Variants in FLRT2 observed in about 807,000 individuals in gnomAD.
FLRT2 encodes fibronectin leucine rich transmembrane protein 2.
In FLRT2, 15 loss-of-function variants were observed where a neutral mutation model predicts 40.0. The ratio of observed to expected loss-of-function variants is 0.38; its 90% CI spans 0.25 to 0.58. The LOEUF is 0.58. FLRT2 is among the 20% of genes least tolerant of loss of function. The pLI, the probability that FLRT2 is intolerant of heterozygous loss-of-function variation, is 0.71. For synonymous variants in FLRT2, 380 were observed against 336.8 expected, an observed-to-expected ratio of 1.13 and a Z score of -1.41; for missense variants, 726 against 840.0, an observed-to-expected ratio of 0.86 and a Z score of 1.68.
chr14:85,570,582 T>C (rs1818777862), intron 1 of FLRT2, among the ~76,000 whole-genome samples: 1 of 149,442 alleles, frequency 6.7e-6, no homozygotes, highest in South Asian at 2.1e-4. Context: ...TATTTATTTA[T>C]TTATTTATTT....
chr14:85,602,897 G>T (rs1308740080), intron 1 of FLRT2, among the ~76,000 whole-genome samples: 2 of 152,062 alleles, frequency 1.3e-5, no homozygotes, highest in Non-Finnish European at 2.9e-5. Context: ...AGGGTTTCGG[G>T]TTTTTTTGCT....
chr14:85,546,938 T>C (rs1313743696), intron 1 of FLRT2, among the ~76,000 whole-genome samples: 2 of 152,214 alleles, frequency 1.3e-5, no homozygotes, highest in African/African-American at 2.4e-5. Flanking sequence ...TCTTCTTTGA[T>C]TACTGTCTTT....
rs1348106684 is a variant in FLRT2, at chr14:85,635,278, A to G, written c.*11781A>G. On this transcript the variant is annotated 3_prime_UTR_variant, in exon 2 of 2. Coordinates refer to ENST00000330753, the MANE Select transcript of FLRT2 (RefSeq NM_013231.6). ...ATACTTTTAAGGATTTGATGAGATA[A>G]TTTATATCATCTTCACTTCAGTGGT... The G allele has an allele frequency of 1.3e-5, 2 of 152,140 alleles. No homozygotes were observed. The highest frequency in any genetic ancestry group is 2.9e-5 in the Non-Finnish European group (2 of 68,006). The allele number at this position is 152,140 out of a possible 1,614,324, so 9.4% of individuals were successfully genotyped here.
intron 1 of FLRT2, among the ~76,000 whole-genome samples, chr14:85,548,619 G>A (rs1168362635): frequency 2.0e-5 from 3 of 152,190 alleles, no homozygotes; most frequent in Non-Finnish European, 2.9e-5. Flanking sequence ...TGGAATCTTC[G>A]AAGACATCTG....
chr14:85,611,899 A>AGCGCGCGC (rs140527571), intron 1 of FLRT2, among the ~76,000 whole-genome samples: 2 of 126,710 alleles, frequency 1.6e-5, no homozygotes, highest in African/African-American at 5.5e-5. Flanking sequence ...AGAGAGAGAG[A>AGCGCGCGC]GCGCGCGTGC....
rs1893610613 is a variant in FLRT2 at position 85,624,973 on chromosome 14, T to A, written c.*1476T>A. The A allele has an allele frequency of 1.2e-5, 2 of 167,058 alleles. 1 individual carries two copies. Among genetic ancestry groups the A allele is most frequent in the East Asian group, 3.9e-4 (2 of 5,172 alleles). 10.3% of individuals were successfully genotyped at this position (167,058 alleles called of 1,614,324 possible). A position where few individuals can be genotyped will look rare whatever the true frequency, so the allele number is the denominator to read the frequency against. On this transcript the variant is annotated 3_prime_UTR_variant, in exon 2 of 2. Coordinates refer to ENST00000330753, the MANE Select transcript of FLRT2 (RefSeq NM_013231.6). The stretch of plus-strand genomic sequence containing the variant: ...TTGGCAATTGTGGAGGGCTAATCAA[T>A]CTTATGTTAGCAGGACAACCCATGA...
intron 1 of FLRT2, among the ~76,000 whole-genome samples, chr14:85,573,310 ATCTC>A (rs143314910): frequency 6.0e-5 from 9 of 149,146 alleles, no homozygotes; most frequent in African/African-American, 1.2e-4. Flanking sequence ...ACACTCACAC[ATCTC>A]TCTCTCTCTC....
rs143053983 is a variant in FLRT2 at position 85,531,070 on chromosome 14, G to T, written c.-377+536G>T. The T allele has an allele frequency of 3.9e-3, 596 of 152,450 alleles. 8 individuals are homozygous for T. Among genetic ancestry groups the T allele is most frequent in the Non-Finnish European group, 5.9e-3 (403 of 68,134 alleles). The allele number at this position is 152,450 out of a possible 1,614,324, so 9.4% of individuals were successfully genotyped here. A position where few individuals can be genotyped will look rare whatever the true frequency, so the allele number is the denominator to read the frequency against. On this transcript the variant is annotated intron_variant, in intron 1 of 1. Coordinates refer to ENST00000330753, the MANE Select transcript of FLRT2 (RefSeq NM_013231.6). ...AATTCCTTTTCCTTCCAGTTGGTGG[G>T]GGCGGGTGGGGCTTTTTCCAAAACC...
chr14:85,638,498 C>G lies in FLRT2; in HGVS notation c.*15001C>G, dbSNP rs1197042427. 6.6e-6 allele frequency: 1 copy of G among 152,286 alleles called. No individual in the cohort carries two copies. The allele number at this position is 152,286 out of a possible 1,614,324, so 9.4% of individuals were successfully genotyped here. A position where few individuals can be genotyped will look rare whatever the true frequency, so the allele number is the denominator to read the frequency against. On this transcript the variant is annotated 3_prime_UTR_variant, in exon 2 of 2. Coordinates refer to ENST00000330753, the MANE Select transcript of FLRT2 (RefSeq NM_013231.6). Reference sequence around the variant, plus strand: ...CTCTACCAGTCCTGGTTCTTCATAGCCTTCCACAGGTGTCAGCTGCAAAAA... The same window carrying G: ...CTCTACCAGTCCTGGTTCTTCATAGGCTTCCACAGGTGTCAGCTGCAAAAA...
chr14:85,574,496 G>A (rs1891036420), intron 1 of FLRT2, among the ~76,000 whole-genome samples: 1 of 152,166 alleles, frequency 6.6e-6, no homozygotes, highest in Non-Finnish European at 1.5e-5. Context: ...GGTTTGTAGA[G>A]GCTTTGGTAC....
intron 1 of FLRT2, among the ~76,000 whole-genome samples, chr14:85,570,409 CTT>C (rs1230249561): frequency 6.6e-6 from 1 of 152,082 alleles, no homozygotes; most frequent in Middle Eastern, 3.2e-3. Context: ...ATCCAAATGA[CTT>C]TACATTTAGC....
chr14:85,588,040 T>C (rs1891708043), intron 1 of FLRT2, among the ~76,000 whole-genome samples: 1 of 152,100 alleles, frequency 6.6e-6, no homozygotes. Flanking sequence ...CATGCCATTC[T>C]CCTGCCTCAG....
intron 1 of FLRT2, among the ~76,000 whole-genome samples, chr14:85,586,699 C>T (rs969373685): frequency 8.4e-4 from 76 of 90,766 alleles, no homozygotes; most frequent in African/African-American, 3.8e-3. Flanking sequence ...TATGTACACA[C>T]ACACACACAC....
At chr14:85,573,296 C>T (rs923694556) in intron 1 of FLRT2, among the ~76,000 whole-genome samples, 3 of 152,062 alleles carry the variant, frequency 2.0e-5, no homozygotes, top group African/African-American at 7.2e-5. Context: ...ATATCACATA[C>T]ATCACACTCA....
chr14:85,589,272 T>C (rs985736483), intron 1 of FLRT2, among the ~76,000 whole-genome samples: 1 of 152,202 alleles, frequency 6.6e-6, no homozygotes, highest in African/African-American at 2.4e-5. Context: ...TTGCCAGCAT[T>C]TTTTATTGCC....
chr14:85,542,038 A>T (rs1889012400), intron 1 of FLRT2, among the ~76,000 whole-genome samples: 1 of 152,218 alleles, frequency 6.6e-6, no homozygotes, highest in East Asian at 1.9e-4. Context: ...ATTGTAGAAG[A>T]TTAGCATGTA....
chr14:85,615,679 G>A (rs1476588836), intron 1 of FLRT2, among the ~76,000 whole-genome samples: 1 of 49,656 alleles, frequency 2.0e-5, no homozygotes, highest in East Asian at 2.7e-4. Context: ...CCCACACCTT[G>A]GTCAGCTAAC....
In FLRT2 at chr14:85,631,112, T is replaced by TATATATATATA. The variant is rs1893858889; in HGVS notation, c.*7615_*7616insATATATATATA. ...TATAATTACATATATAATCTAGATT[T>TATATATATATA]TATATATATATATATATGAAATGAG... On this transcript the variant is annotated 3_prime_UTR_variant, in exon 2 of 2. Coordinates refer to ENST00000330753, the MANE Select transcript of FLRT2 (RefSeq NM_013231.6). 5 of 91,886 alleles carry TATATATATATA rather than the reference T, an allele frequency of 5.4e-5. No individual in the cohort carries two copies. Among genetic ancestry groups the TATATATATATA allele is most frequent in the Non-Finnish European group, 9.4e-5 (5 of 53,022 alleles). 5.7% of individuals were successfully genotyped at this position (91,886 alleles called of 1,614,324 possible).
At chr14:85,556,634 A>G (rs942707450) in intron 1 of FLRT2, among the ~76,000 whole-genome samples, 4 of 152,202 alleles carry the variant, frequency 2.6e-5, no homozygotes, top group African/African-American at 9.7e-5. Flanking sequence ...CAAGTTACTT[A>G]TTTCTCTGTA....
Sources: gnomAD v4.1 joint callset for allele counts (sites outside exome capture counted in the v4.1 genomes callset) on GRCh38, gnomAD v4.1.1 for gene constraint, MANE v1.5 for transcripts, NCBI Gene and HGNC (gene_info 2026-07-23, HGNC 2026-07-21) for gene names.